The following LRRC4C variants were observed in gnomAD, a reference collection of about 807,000 sequenced individuals.
LRRC4C encodes leucine rich repeat containing 4C, also known as leucine-rich repeat-containing protein 4C.
A neutral mutation model predicts 33.6 loss-of-function variants in LRRC4C; 5 were observed. The ratio of observed to expected loss-of-function variants is 0.15; its 90% CI spans 0.08 to 0.31. LRRC4C has a LOEUF of 0.31. LRRC4C is among the 10% of genes least tolerant of loss of function. The pLI is 1.00. For missense variants in LRRC4C, 560 were observed against 796.7 expected, an observed-to-expected ratio of 0.70 and a Z score of 3.58; for synonymous variants, 329 against 302.0, an observed-to-expected ratio of 1.09 and a Z score of -0.93.
intron 3 of LRRC4C, among the ~76,000 whole-genome samples, chr11:40,372,672 C>T (rs563716025): frequency 6.6e-6 from 1 of 152,150 alleles, no homozygotes; most frequent in South Asian, 2.1e-4. Flanking sequence ...TGATGCTATG[C>T]CTGGATAGGA....
chr11:41,388,550 G>T (rs1382827510), intron 1 of LRRC4C, among the ~76,000 whole-genome samples: 1 of 151,854 alleles, frequency 6.6e-6, no homozygotes, highest in African/African-American at 2.4e-5. Context: ...TTTTGCTAAG[G>T]AAGATTTATG....
At chr11:41,419,087 C>T (rs1399178296) in intron 1 of LRRC4C, among the ~76,000 whole-genome samples, 2 of 151,686 alleles carry the variant, frequency 1.3e-5, no homozygotes, top group African/African-American at 4.8e-5. Context: ...AAGAAAGAGG[C>T]AAAGTACAGA....
chr11:41,107,096 G>A (rs1941550282), intron 1 of LRRC4C, among the ~76,000 whole-genome samples: 1 of 143,748 alleles, frequency 7.0e-6, no homozygotes, highest in Admixed American at 7.1e-5. Context: ...ATGTGTGCAT[G>A]ATACTTACCA....
At chr11:40,913,609 T>A (rs1956797015) in intron 2 of LRRC4C, among the ~76,000 whole-genome samples, 1 of 152,002 alleles carries the variant, frequency 6.6e-6, no homozygotes, top group African/African-American at 2.4e-5. Flanking sequence ...AGATCTAAAA[T>A]TGACACCCTA....
intron 3 of LRRC4C, among the ~76,000 whole-genome samples, chr11:40,496,815 T>C (rs1477086648): frequency 6.6e-6 from 1 of 152,148 alleles, no homozygotes; most frequent in Admixed American, 6.5e-5. Flanking sequence ...GAAACTGTGA[T>C]TGAGATTGAG....
intron 5 of LRRC4C, among the ~76,000 whole-genome samples, chr11:40,168,318 G>A (rs1859766668): frequency 6.6e-6 from 1 of 152,144 alleles, no homozygotes; most frequent in Non-Finnish European, 1.5e-5. Context: ...AGGTGGCAAA[G>A]CACATAAAGA....
chr11:40,443,271 G>C (rs1359543342), intron 3 of LRRC4C, among the ~76,000 whole-genome samples: 1 of 152,172 alleles, frequency 6.6e-6, no homozygotes, highest in Non-Finnish European at 1.5e-5. Flanking sequence ...CAACACAACT[G>C]TGATGACAAA....
At chr11:41,029,809 C>G (rs1244580976) in intron 1 of LRRC4C, among the ~76,000 whole-genome samples, 1 of 151,712 alleles carries the variant, frequency 6.6e-6, no homozygotes, top group African/African-American at 2.4e-5. Context: ...TATAATCATT[C>G]AATATACGCT....
chr11:40,520,964 C>A (rs536512025), intron 3 of LRRC4C, among the ~76,000 whole-genome samples: 2 of 152,058 alleles, frequency 1.3e-5, no homozygotes, highest in South Asian at 4.2e-4. Context: ...CTATTAGTAT[C>A]ATTTCCTTTT....
At chr11:40,417,285 A>C (rs750786256) in intron 3 of LRRC4C, among the ~76,000 whole-genome samples, 2 of 152,058 alleles carry the variant, frequency 1.3e-5, no homozygotes, top group African/African-American at 4.8e-5. Flanking sequence ...CTTCTCTTTT[A>C]TATCACAGAG....
chr11:40,448,310 G>C (rs1414389895), intron 3 of LRRC4C, among the ~76,000 whole-genome samples: 1 of 152,106 alleles, frequency 6.6e-6, no homozygotes, highest in Non-Finnish European at 1.5e-5. Flanking sequence ...GTGCAGGTTT[G>C]TTACATAAGT....
At chr11:40,986,159 G>T (rs1242653479) in intron 1 of LRRC4C, among the ~76,000 whole-genome samples, 1 of 152,142 alleles carries the variant, frequency 6.6e-6, no homozygotes, top group African/African-American at 2.4e-5. Context: ...AAAGTGATAT[G>T]ATATAAAAGA....
intron 2 of LRRC4C, among the ~76,000 whole-genome samples, chr11:40,904,477 C>T (rs1024768411): frequency 7.2e-5 from 11 of 151,986 alleles, no homozygotes; most frequent in Admixed American, 3.3e-4. Context: ...TCTTCTCTCC[C>T]GAAATAAAGA....
At chr11:40,945,795 C>G (rs193199287) in intron 1 of LRRC4C, among the ~76,000 whole-genome samples, 211 of 152,236 alleles carry the variant, frequency 1.4e-3, no homozygotes, top group Admixed American at 2.2e-3. Flanking sequence ...TCAAACAGTA[C>G]AAACCACACC....
At chr11:40,265,164 A>G (rs1942157479) in intron 4 of LRRC4C, among the ~76,000 whole-genome samples, 1 of 152,064 alleles carries the variant, frequency 6.6e-6, no homozygotes, top group Non-Finnish European at 1.5e-5. Flanking sequence ...AATTCTATCA[A>G]CATTTCTTTC....
intron 2 of LRRC4C, among the ~76,000 whole-genome samples, chr11:40,743,294 T>C (rs908071450): frequency 1.3e-5 from 2 of 152,030 alleles, no homozygotes; most frequent in Non-Finnish European, 2.9e-5. Context: ...TAAAACAATT[T>C]CTCTTATGCT....
At chr11:41,404,624 A>C (rs911647149) in intron 1 of LRRC4C, among the ~76,000 whole-genome samples, 1 of 151,966 alleles carries the variant, frequency 6.6e-6, no homozygotes, top group Non-Finnish European at 1.5e-5. Flanking sequence ...AACTAAATCA[A>C]GACCCGCATC....
chr11:40,327,166 T>C (rs943717702), intron 3 of LRRC4C, among the ~76,000 whole-genome samples: 1 of 152,210 alleles, frequency 6.6e-6, no homozygotes, highest in Non-Finnish European at 1.5e-5. Flanking sequence ...CCTCTCTCAA[T>C]GGCAGAGAAA....
At chr11:40,533,530 C>A (rs1477244547) in intron 3 of LRRC4C, among the ~76,000 whole-genome samples, 1 of 152,078 alleles carries the variant, frequency 6.6e-6, no homozygotes, top group African/African-American at 2.4e-5. Flanking sequence ...CCTCCCGGAG[C>A]ATTGTAGGTT....
Sources: allele counts gnomAD v4.1 joint callset (sites outside exome capture counted in the v4.1 genomes callset), GRCh38; gene constraint gnomAD v4.1.1; transcripts MANE v1.5; gene names NCBI Gene and HGNC (gene_info 2026-07-23, HGNC 2026-07-21).